Variants in LYST observed in about 807,000 individuals in gnomAD.
The protein encoded by LYST is lysosomal-trafficking regulator.
LYST carries 192 observed loss-of-function variants against 413.6 expected under a neutral mutation model. That is an observed-to-expected ratio of 0.46 (90% CI 0.41 to 0.52). LYST has a LOEUF of 0.52. Ranked by LOEUF, LYST falls within the 20% of genes least tolerant of loss-of-function variation. The pLI, the probability that LYST is intolerant of heterozygous loss-of-function variation, is 0.00. For synonymous variants in LYST, 1,525 were observed against 1,567.3 expected, an observed-to-expected ratio of 0.97 and a Z score of 0.64; for missense variants, 3,815 against 4,499.9, an observed-to-expected ratio of 0.85 and a Z score of 4.35.
At chr1:235,738,480 A>C (rs767094821) in intron 31 of LYST, 181 of 1,612,310 alleles carry the variant, frequency 1.1e-4, no homozygotes, top group Non-Finnish European at 1.4e-4. Flanking sequence ...TGTTATTGGA[A>C]GTGGTTGCAA....
chr1:235,864,912 A>G (rs933616493), intron 1 of LYST, among the ~76,000 whole-genome samples: 6 of 152,162 alleles, frequency 3.9e-5, no homozygotes, highest in African/African-American at 1.4e-4. Flanking sequence ...CTGGGAGACA[A>G]AGTGAGATCC....
chr1:235,836,477 A>C lies in LYST; in HGVS notation c.-97-2810T>G, dbSNP rs563280050. Among the ~76,000 whole-genome samples, 17 of 152,334 alleles carry C rather than the reference A, an allele frequency of 1.1e-4. No individual in the cohort carries two copies. In the East Asian group the frequency reaches 3.1e-3, roughly 28 times the overall value. ...TCTGAAGCAGTAATATTTGAGCAAA[A>C]ACTTGAATGGAATAAGTAAATGGAC... On this transcript the variant is annotated intron_variant, in intron 1 of 52. Coordinates refer to ENST00000389793, the MANE Select transcript of LYST (RefSeq NM_000081.4).
rs543021537 is a variant in LYST, at chr1:235,755,299, G to T, written c.7229+179C>A. ...AGCTACTCAGGAGGTTGAGGCAGGA[G>T]AATCGCTTGAACCTGGGAGGCGGAA... On this transcript the variant is annotated intron_variant, in intron 25 of 52. Coordinates refer to ENST00000389793, the MANE Select transcript of LYST (RefSeq NM_000081.4). 3.3e-5 allele frequency among the ~76,000 whole-genome samples: 5 copies of T among 151,910 alleles called. No homozygotes were observed. In the South Asian group the frequency reaches 1.0e-3, roughly 32 times the overall value.
chr1:235,834,953 C>T (rs1181566943), intron 1 of LYST, among the ~76,000 whole-genome samples: 2 of 151,782 alleles, frequency 1.3e-5, no homozygotes, highest in East Asian at 1.9e-4. Context: ...TTCACCCTTT[C>T]GCCCAGGCTT....
intron 18 of LYST, among the ~76,000 whole-genome samples, chr1:235,774,394 G>A (rs1403886996): frequency 1.3e-5 from 2 of 152,184 alleles, no homozygotes; most frequent in African/African-American, 4.8e-5. Context: ...CTTAGTACCA[G>A]AAGTCTCAGA....
chr1:235,720,979 T>C, intron 39 of LYST, 74 bp from the exon 40 acceptor site: 3 of 1,443,072 alleles, frequency 2.1e-6, no homozygotes, highest in South Asian at 1.2e-5. Flanking sequence ...AAAGAACCCA[T>C]GACATTATAG....
intron 40 of LYST, among the ~76,000 whole-genome samples, chr1:235,720,173 CAAAAAAAAAAAAAAAAAA>C (rs71576484): frequency 3.2e-4 from 3 of 9,476 alleles, no homozygotes; most frequent in Admixed American, 1.5e-3. Flanking sequence ...GACTCTGTCT[CAAAAAAAAAAAAAAAAAA>C]AAAAAAAAAA....
At chr1:235,772,555 C>T (rs1401673160) in intron 19 of LYST, among the ~76,000 whole-genome samples, 4 of 152,164 alleles carry the variant, frequency 2.6e-5, no homozygotes, top group Admixed American at 6.5e-5. Context: ...CAACCCTATA[C>T]TCATTCCCTG....
intron 50 of LYST, among the ~76,000 whole-genome samples, chr1:235,675,135 G>T (rs1659275958): frequency 6.6e-6 from 1 of 152,178 alleles, no homozygotes; most frequent in South Asian, 2.1e-4. Context: ...GGGGAAAAGT[G>T]TCAGAAATAA....
intron 20 of LYST, among the ~76,000 whole-genome samples, chr1:235,766,703 T>C (rs1668182133): frequency 6.6e-6 from 1 of 152,152 alleles, no homozygotes; most frequent in African/African-American, 2.4e-5. Flanking sequence ...TTATAAGGAC[T>C]AAATAACATA....
chr1:235,718,555 C>T (rs1271310279), intron 40 of LYST, among the ~76,000 whole-genome samples: 1 of 152,126 alleles, frequency 6.6e-6, no homozygotes, highest in East Asian at 1.9e-4. Context: ...AGCCACTGCG[C>T]CCAGCTTAAA....
At position 235,730,842 on chromosome 1, in the gene LYST, G is replaced by T; in HGVS notation, c.9044+5C>A. ...AAGAGTGAAGGTCTATTGATTCAAA[G>T]TTACCTTATAGATTCACTTGCAGCT... On this transcript the variant is annotated splice_donor_5th_base_variant and intron_variant, in intron 36 of 52. Coordinates refer to ENST00000389793, the MANE Select transcript of LYST (RefSeq NM_000081.4). 1 of 1,565,418 alleles carries T rather than the reference G, an allele frequency of 6.4e-7. No homozygotes were observed. Among genetic ancestry groups the T allele is most frequent in the Non-Finnish European group, 8.8e-7 (1 of 1,135,800 alleles).
chr1:235,744,901 A>G (rs1665763581), intron 29 of LYST, among the ~76,000 whole-genome samples: 1 of 89,746 alleles, frequency 1.1e-5, no homozygotes, highest in African/African-American at 3.7e-5. Context: ...TCAAAAAAAA[A>G]AAGAAAAAAA....
intron 3 of LYST, among the ~76,000 whole-genome samples, chr1:235,826,990 A>G (rs1553312784): frequency 6.6e-6 from 1 of 152,102 alleles, no homozygotes; most frequent in Non-Finnish European, 1.5e-5. Context: ...CTATTCATCT[A>G]ACTGCATACA....
At chr1:235,672,070 C>G (rs1658987324) in intron 50 of LYST, among the ~76,000 whole-genome samples, 1 of 152,150 alleles carries the variant, frequency 6.6e-6, no homozygotes. Flanking sequence ...TAAAGGATGA[C>G]TCAGGTTTTT....
intron 14 of LYST, 43 bp downstream of exon 14, chr1:235,787,157 T>C (rs768522827): frequency 6.8e-6 from 10 of 1,464,672 alleles, no homozygotes; most frequent in East Asian, 4.5e-5. Flanking sequence ...AAACATAACA[T>C]TGTAACTGAG....
intron 27 of LYST, 73 bp downstream of exon 27, chr1:235,751,932 A>C: frequency 9.8e-7 from 1 of 1,024,256 alleles, no homozygotes; most frequent in Non-Finnish European, 1.5e-6. Context: ...CTAAGAAGAA[A>C]GAGATTGTGC....
chr1:235,827,683 C>T, intron 3 of LYST: 1 of 983,972 alleles, frequency 1.0e-6, no homozygotes, highest in Non-Finnish European at 1.2e-6. Context: ...TCTACTGTTC[C>T]TACTATTATT....
At position 235,662,813 on chromosome 1, in the gene LYST, A is replaced by T. The variant is rs1658138492; in HGVS notation, c.*127T>A. The T allele has an allele frequency of 1.3e-6, 1 of 770,560 alleles. No individual in the cohort carries two copies. Among genetic ancestry groups the T allele is most frequent in the African/African-American group, 1.7e-5 (1 of 59,110 alleles). 47.7% of individuals were successfully genotyped at this position (770,560 alleles called of 1,614,324 possible). A position where few individuals can be genotyped will look rare whatever the true frequency, so the allele number is the denominator to read the frequency against. On this transcript the variant is annotated 3_prime_UTR_variant, in exon 53 of 53. Coordinates refer to ENST00000389793, the MANE Select transcript of LYST (RefSeq NM_000081.4). ...TTCAGAATTTTGTGCAGATGAATAG[A>T]CTTTATCATTATTTGGATGGTTTGT...
Sources: gnomAD v4.1 joint callset for allele counts (sites outside exome capture counted in the v4.1 genomes callset) on GRCh38, gnomAD v4.1.1 for gene constraint, MANE v1.5 for transcripts, NCBI Gene and HGNC (gene_info 2026-07-23, HGNC 2026-07-21) for gene names.